Variants in DLGAP2 observed in about 807,000 individuals in gnomAD.
DLGAP2 encodes DLG associated protein 2, also known as disks large-associated protein 2.
Under a neutral mutation model 100.3 loss-of-function variants are expected in DLGAP2, and 26 were observed. The observed-to-expected ratio is 0.26, with a 90% CI of 0.19 to 0.36. The LOEUF is 0.36. Ranked by LOEUF, DLGAP2 falls within the 10% of genes least tolerant of loss-of-function variation. DLGAP2 has a pLI of 1.00. For synonymous variants in DLGAP2, 886 were observed against 630.1 expected, an observed-to-expected ratio of 1.41 and a Z score of -6.08; for missense variants, 1,858 against 1,453.2, an observed-to-expected ratio of 1.28 and a Z score of -4.53.
At chr8:1,157,924 A>C (rs1483899109) in intron 2 of DLGAP2, among the ~76,000 whole-genome samples, 4 of 152,188 alleles carry the variant, frequency 2.6e-5, no homozygotes, top group African/African-American at 9.7e-5. Flanking sequence ...GTACGTCAAC[A>C]GTTATCATCC....
intron 2 of DLGAP2, among the ~76,000 whole-genome samples, chr8:1,062,619 G>A (rs893087583): frequency 2.0e-4 from 30 of 152,108 alleles, no homozygotes; most frequent in African/African-American, 5.1e-4. Flanking sequence ...GCTTTCCCTC[G>A]ATACTTTGCA....
chr8:1,006,698 G>T lies in DLGAP2; in HGVS notation c.73+98732G>T, dbSNP rs1442378756. Among the ~76,000 whole-genome samples, 6 of 112,220 alleles carry T rather than the reference G, an allele frequency of 5.3e-5. No homozygotes were observed. The East Asian group carries it at 1.2e-3, about 23-fold the overall frequency. The allele number at this position is 112,220 out of a possible 152,430, so 73.6% of individuals were successfully genotyped here. ...GGGCGCCCTGCGTCTCAAGTCTCGG[G>T]ATGTGGTCCTTTATCACATCAGGGA... On this transcript the variant is annotated intron_variant, in intron 2 of 14. Coordinates refer to ENST00000637795, the MANE Select transcript of DLGAP2 (RefSeq NM_001346810.2).
Position 1,638,714 on chromosome 8 carries a change from G to T in DLGAP2, c.1810+5668G>T, listed in dbSNP as rs1034431575. On this transcript the variant is annotated intron_variant, in intron 8 of 14. Coordinates refer to ENST00000637795, the MANE Select transcript of DLGAP2 (RefSeq NM_001346810.2). ...TTTTAAGAGGCCTCCTGCCCCAGCC[G>T]TGGATGAGGCCCAGAAAGCCAGCAT... 2.6e-5 allele frequency among the ~76,000 whole-genome samples: 4 copies of T among 152,252 alleles called. No homozygotes were observed. In the South Asian group the frequency reaches 8.3e-4, roughly 32 times the overall value.
At chr8:810,107 G>A (rs1343862204) in intron 1 of DLGAP2, among the ~76,000 whole-genome samples, 1 of 152,146 alleles carries the variant, frequency 6.6e-6, no homozygotes, top group African/African-American at 2.4e-5. Context: ...TACTGTTCAT[G>A]ACTTGTAGGT....
chr8:1,105,981 G>A (rs1376896003), intron 2 of DLGAP2, among the ~76,000 whole-genome samples: 1 of 150,998 alleles, frequency 6.6e-6, no homozygotes, highest in African/African-American at 2.4e-5. Context: ...TTCTATTGAA[G>A]GAGGCCATTC....
At chr8:1,456,235 A>C (rs1040797872) in intron 3 of DLGAP2, among the ~76,000 whole-genome samples, 3 of 152,120 alleles carry the variant, frequency 2.0e-5, no homozygotes, top group African/African-American at 7.2e-5. Context: ...CCAAACACCG[A>C]GTGTGCTGCA....
intron 1 of DLGAP2, among the ~76,000 whole-genome samples, chr8:756,226 C>T (rs960420487): frequency 6.6e-6 from 1 of 152,012 alleles, no homozygotes; most frequent in Non-Finnish European, 1.5e-5. Flanking sequence ...CTGCTGGTGG[C>T]ATAGGAGACG....
chr8:887,196 CTT>C (rs934799887), intron 1 of DLGAP2, among the ~76,000 whole-genome samples: 2 of 144,832 alleles, frequency 1.4e-5, no homozygotes. Flanking sequence ...GCAACCCCTG[CTT>C]TTTTTTTTTG....
chr8:1,208,802 G>A (rs1268818174), intron 2 of DLGAP2, among the ~76,000 whole-genome samples: 1 of 151,702 alleles, frequency 6.6e-6, no homozygotes, highest in East Asian at 1.9e-4. Flanking sequence ...CACTCCTATA[G>A]AACAATAGTG....
At chr8:890,122 G>A (rs534065974) in intron 1 of DLGAP2, among the ~76,000 whole-genome samples, 6 of 152,276 alleles carry the variant, frequency 3.9e-5, no homozygotes, top group South Asian at 2.1e-4. Context: ...CTTGGCTGCC[G>A]GTGAAGGATT....
intron 2 of DLGAP2, among the ~76,000 whole-genome samples, chr8:1,083,488 C>T (rs1803876407): frequency 6.6e-6 from 1 of 152,060 alleles, no homozygotes; most frequent in Non-Finnish European, 1.5e-5. Flanking sequence ...CTTTTAGTGC[C>T]CAAATTTATG....
intron 11 of DLGAP2, among the ~76,000 whole-genome samples, chr8:1,677,625 C>G (rs897382435): frequency 3.9e-5 from 6 of 152,332 alleles, no homozygotes; most frequent in African/African-American, 1.2e-4. Flanking sequence ...TGTAAGCCCC[C>G]TCCTATCAAC....
chr8:846,273 C>T (rs937390804), intron 1 of DLGAP2, among the ~76,000 whole-genome samples: 3 of 152,286 alleles, frequency 2.0e-5, no homozygotes, highest in African/African-American at 7.2e-5. Flanking sequence ...TATTGACCTT[C>T]CTTTTGCCAT....
chr8:1,525,125 G>C (rs754526040), intron 4 of DLGAP2, among the ~76,000 whole-genome samples: 2 of 149,086 alleles, frequency 1.3e-5, no homozygotes, highest in African/African-American at 5.0e-5. Context: ...ATTTTCAGCT[G>C]TTGTTAGGTC....
intron 6 of DLGAP2, among the ~76,000 whole-genome samples, chr8:1,625,423 C>T (rs1306781404): frequency 6.6e-6 from 1 of 152,162 alleles, no homozygotes; most frequent in African/African-American, 2.4e-5. Context: ...TAACATTTCA[C>T]AAAACGGCGA....
At chr8:1,027,840 C>T (rs1420540468) in intron 2 of DLGAP2, among the ~76,000 whole-genome samples, 5 of 129,884 alleles carry the variant, frequency 3.8e-5, no homozygotes, top group Admixed American at 7.6e-5. Context: ...GTCAGGCGCC[C>T]GTTATTCTCC....
intron 1 of DLGAP2, among the ~76,000 whole-genome samples, chr8:900,548 G>A (rs1798232011): frequency 6.6e-6 from 1 of 152,216 alleles, no homozygotes; most frequent in South Asian, 2.1e-4. Flanking sequence ...GTGGGGAATA[G>A]TTTTAAACCA....
In DLGAP2 at chr8:973,607, G is replaced by C. The variant is rs368027598; in HGVS notation, c.73+65641G>C. Among the ~76,000 whole-genome samples the C allele has an allele frequency of 1.0e-3, 153 of 152,352 alleles. 3 individuals are homozygous for C. The East Asian group carries it at 0.022, about 22-fold the overall frequency. ...CTCGGCACTTTGGGAGGCCAAGGCA[G>C]GCGGCTGGGAGGTGGAGGTTGTAGT... On this transcript the variant is annotated intron_variant, in intron 2 of 14. Transcript: ENST00000637795.
intron 4 of DLGAP2, among the ~76,000 whole-genome samples, chr8:1,546,022 C>G (rs1172807069): frequency 6.6e-6 from 1 of 152,178 alleles, no homozygotes; most frequent in Non-Finnish European, 1.5e-5. Context: ...TGGATTACAG[C>G]ACATAGTTTT....
Sources: allele counts gnomAD v4.1 joint callset (sites outside exome capture counted in the v4.1 genomes callset), GRCh38; gene constraint gnomAD v4.1.1; transcripts MANE v1.5; gene names NCBI Gene and HGNC (gene_info 2026-07-23, HGNC 2026-07-21).